Variants in CNR1 observed in about 807,000 individuals in gnomAD.
CNR1 encodes cannabinoid receptor 1.
A neutral mutation model predicts 23.0 loss-of-function variants in CNR1; 10 were observed. The observed-to-expected ratio is 0.43, with a 90% CI of 0.27 to 0.74. The LOEUF is 0.74. Among genes scored for constraint, CNR1 ranks in the 30% least tolerant of loss-of-function variants. The pLI, the probability that CNR1 is intolerant of heterozygous loss-of-function variation, is 0.19. For missense variants in CNR1, 422 were observed against 618.8 expected (o/e 0.68, Z 3.37); for synonymous variants, 271 against 255.2 (o/e 1.06, Z -0.59).
intron 1 of CNR1, chr6:88,147,941 T>C (rs1282643545): frequency 6.6e-6 from 1 of 152,476 alleles, no homozygotes; most frequent in East Asian, 1.9e-4. Flanking sequence ...CAGGCTCTTG[T>C]CCTTAATACT....
intron 1 of CNR1, among the ~76,000 whole-genome samples, chr6:88,153,405 C>T (rs944784210): frequency 6.6e-6 from 1 of 152,164 alleles, no homozygotes; most frequent in South Asian, 2.1e-4. Flanking sequence ...AGGACTGGTG[C>T]TCCCTGATAT....
At chr6:88,147,814 C>A (rs926538593) in intron 1 of CNR1, 1 of 152,366 alleles carries the variant, frequency 6.6e-6, no homozygotes, top group Non-Finnish European at 1.5e-5. Context: ...GCCCTAAAAA[C>A]CAAATATAAA....
chr6:88,163,497 A>G (rs901858421), intron 1 of CNR1, among the ~76,000 whole-genome samples: 8 of 152,220 alleles, frequency 5.3e-5, no homozygotes, highest in African/African-American at 1.9e-4. Context: ...TATGCAAGAC[A>G]ACCAAGAAGC....
intron 1 of CNR1, among the ~76,000 whole-genome samples, chr6:88,153,770 G>A (rs1400071645): frequency 5.3e-5 from 8 of 152,134 alleles, no homozygotes; most frequent in Admixed American, 2.6e-4. Context: ...AATTTTAGTC[G>A]ACTCTTATAA....
chr6:88,152,231 A>G (rs941377458), intron 1 of CNR1, among the ~76,000 whole-genome samples: 1 of 151,882 alleles, frequency 6.6e-6, no homozygotes, highest in African/African-American at 2.4e-5. Flanking sequence ...AAAAAAAAAA[A>G]AAAAAGAAAT....
Position 88,149,539 on chromosome 6 carries a change from G to A in CNR1, c.-63-4202C>T, listed in dbSNP as rs1451036422. On this transcript the variant is annotated intron_variant, in intron 1 of 1. Transcript: ENST00000369501. ...ATGTGTGAGAGCTGTTCCTTACATGGTCCTTGCACATCCACAAACCTAACT... is the reference window on the plus strand; with the variant it reads ...ATGTGTGAGAGCTGTTCCTTACATGATCCTTGCACATCCACAAACCTAACT... Among the ~76,000 whole-genome samples the A allele has an allele frequency of 2.0e-5, 3 of 152,158 alleles. No homozygotes were observed. The East Asian group carries it at 5.8e-4, about 29-fold the overall frequency.
intron 1 of CNR1, among the ~76,000 whole-genome samples, chr6:88,159,838 G>C (rs917580535): frequency 6.6e-5 from 10 of 152,180 alleles, no homozygotes; most frequent in Non-Finnish European, 1.2e-4. Context: ...GATCCATTTA[G>C]CCAAACGCCA....
In CNR1 at chr6:88,145,105, G is replaced by A; in HGVS notation, c.170C>T (p.Pro57Leu). The A allele has an allele frequency of 1.2e-6, 2 of 1,614,190 alleles. No homozygotes were observed. Among genetic ancestry groups the A allele is most frequent in the South Asian group, 2.2e-5 (2 of 91,084 alleles). Residue 57 changes from proline (P) to leucine (L), a missense_variant, in exon 2 of 2, where the codon CCC becomes CTC. Coordinates refer to ENST00000369501, the MANE Select transcript of CNR1 (RefSeq NM_016083.6). ...KFPLTSFRGSPFQEKMTAGDN... is the reference protein window; with the variant it reads ...KFPLTSFRGSLFQEKMTAGDN... ...TCCCGCAGTCATCTTCTCTTGGAAG[G>A]GACTTCCCCTAAAGGAAGTTAAAGG...
chr6:88,163,630 T>A (rs1233465412), intron 1 of CNR1, among the ~76,000 whole-genome samples: 1 of 152,238 alleles, frequency 6.6e-6, no homozygotes, highest in Non-Finnish European at 1.5e-5. Flanking sequence ...CACTGCATAC[T>A]AAACACTTAT....
Position 88,144,797 on chromosome 6 carries a change from C to A in CNR1, c.478G>T (p.Ala160Ser), listed in dbSNP as rs1349967524. Residue 160 changes from alanine to serine, a missense_variant, in exon 2 of 2, where the codon GCG (alanine) becomes TCG (serine). Coordinates refer to ENST00000369501, the MANE Select transcript of CNR1 (RefSeq NM_016083.6). The surrounding 1 kb of genome is among the most constrained non-coding windows in gnomAD (Gnocchi z 7.8). ...ACACTCCCCAGGAGGTCTGCCACCGCCAGGCTGCCGATGAAGTGGTAGGAA... is the reference window on the plus strand; with the variant it reads ...ACACTCCCCAGGAGGTCTGCCACCGACAGGCTGCCGATGAAGTGGTAGGAA... ...RPSYHFIGSL[A>S]VADLLGSVIF... The A allele has an allele frequency of 6.2e-7, 1 of 1,614,162 alleles. No homozygotes were observed. The highest frequency in any genetic ancestry group is 8.5e-7 in the Non-Finnish European group (1 of 1,180,034).
intron 1 of CNR1, among the ~76,000 whole-genome samples, chr6:88,164,009 T>C (rs11756397): frequency 0.19 from 28,911 of 152,200 alleles, 2,945 homozygotes; most frequent in Middle Eastern, 0.24. Flanking sequence ...CTTTACACAC[T>C]AAATAATAAT....
In CNR1 at chr6:88,145,146, G is replaced by C. The variant is rs1777099102; in HGVS notation, c.129C>G (p.Tyr43Ter). The C allele has an allele frequency of 1.2e-6, 2 of 1,614,084 alleles. No individual in the cohort carries two copies. The highest frequency in any genetic ancestry group is 1.7e-6 in the Non-Finnish European group (2 of 1,180,038). The change falls in exon 2 of 2, where the codon TAC becomes TAG. Residue 43 changes from tyrosine to a stop codon, truncating the protein, a stop_gained. Transcript: ENST00000369501. LOFTEE classifies it high-confidence loss of function. ...AAGTTAAAGGGAATTTCTGTGGGAA[G>C]TACCCTAATTTGGATGCCATGTCAC... ...IKGDMASKLG[Y>*]FPQKFPLTSF...
intron 1 of CNR1, among the ~76,000 whole-genome samples, chr6:88,157,523 T>A (rs1777866660): frequency 6.6e-6 from 1 of 152,228 alleles, no homozygotes; most frequent in Non-Finnish European, 1.5e-5. Context: ...TCTAATTACT[T>A]TTCTGAGGCA....
chr6:88,166,679 A>C (rs982885437), upstream of CNR1, among the ~76,000 whole-genome samples: 2 of 152,080 alleles, frequency 1.3e-5, no homozygotes, highest in Admixed American at 6.5e-5. Flanking sequence ...CAGGCCAAGA[A>C]GGGGCTGGTG....
chr6:88,161,621 T>C (rs1300555782), intron 1 of CNR1, among the ~76,000 whole-genome samples: 1 of 152,242 alleles, frequency 6.6e-6, no homozygotes, highest in South Asian at 2.1e-4. Flanking sequence ...AGGAAAGCTT[T>C]TAGTAAATAC....
intron 1 of CNR1, among the ~76,000 whole-genome samples, chr6:88,157,341 G>A (rs921774492): frequency 2.0e-5 from 3 of 152,046 alleles, no homozygotes; most frequent in Non-Finnish European, 4.4e-5. Context: ...AAGCCCTCAG[G>A]AATCAATTTG....
upstream of CNR1, among the ~76,000 whole-genome samples, chr6:88,167,160 C>G (rs558288090): frequency 6.8e-4 from 103 of 152,090 alleles, no homozygotes; most frequent in African/African-American, 2.3e-3. Flanking sequence ...GCGCCCCCTC[C>G]CCGGCCACCC....
intron 1 of CNR1, among the ~76,000 whole-genome samples, chr6:88,152,623 G>A (rs1309476785): frequency 6.6e-6 from 1 of 152,172 alleles, no homozygotes; most frequent in Non-Finnish European, 1.5e-5. Flanking sequence ...AAAGAATACA[G>A]TTAATAATAT....
chr6:88,144,328 C>T lies in CNR1; in HGVS notation c.947G>A (p.Ser316Asn), dbSNP rs1777015148. The T allele has an allele frequency of 1.2e-6, 2 of 1,613,366 alleles. No individual in the cohort carries two copies. Among genetic ancestry groups the T allele is most frequent in the Non-Finnish European group, 1.7e-6 (2 of 1,180,020 alleles). ...ATCCTCAGACGTGTGGATGATGATG[C>T]TCTTCTGGGTGCCACGCTGAATCAT... Reference protein sequence around the residue: ...VRMIQRGTQKSIIIHTSEDGK... With the variant: ...VRMIQRGTQKNIIIHTSEDGK... The change falls in exon 2 of 2, where the codon AGC becomes AAC. Residue 316 changes from serine (S) to asparagine (N), a missense_variant. Physicochemically the swap from Ser to Asn is conservative, Grantham distance 46. Transcript: ENST00000369501. This position sits in a 1 kb window ranked among gnomAD's most constrained non-coding sequence, Gnocchi z 7.8.
Sources: allele counts gnomAD v4.1 joint callset (sites outside exome capture counted in the v4.1 genomes callset), GRCh38; gene constraint gnomAD v4.1.1; non-coding constraint Gnocchi (gnomAD v3.1); transcripts MANE v1.5; gene names NCBI Gene and HGNC (gene_info 2026-07-23, HGNC 2026-07-21).